CAPS2: variants seen among roughly 807,000 people sequenced by gnomAD.
The protein encoded by CAPS2 is calcyphosin-2.
A neutral mutation model predicts 86.5 loss-of-function variants in CAPS2; 98 were observed. The ratio of observed to expected loss-of-function variants is 1.13; its 90% CI spans 0.96 to 1.34. CAPS2 has a LOEUF of 1.34. Ranked by LOEUF, CAPS2 falls within the 40% of genes most tolerant of loss-of-function variation. The pLI is 0.00. For synonymous variants in CAPS2, 210 were observed against 225.1 expected (o/e 0.93, Z 0.60); for missense variants, 729 against 686.8 (o/e 1.06, Z -0.69).
chr12:75,298,081 T>C (rs2037205922), intron 11 of CAPS2: 1 of 152,340 alleles, frequency 6.6e-6, no homozygotes, highest in Non-Finnish European at 1.5e-5. Flanking sequence ...AAACATATAT[T>C]ACCTGAATGA....
intron 1 of CAPS2, among the ~76,000 whole-genome samples, chr12:75,381,305 A>G (rs1319956436): frequency 2.6e-5 from 4 of 152,192 alleles, no homozygotes; most frequent in Non-Finnish European, 4.4e-5. Flanking sequence ...TTCCCTAGCC[A>G]TGCGGAACCG....
At chr12:75,352,492 G>T (rs962084163) in intron 1 of CAPS2, among the ~76,000 whole-genome samples, 2 of 152,208 alleles carry the variant, frequency 1.3e-5, no homozygotes, top group Non-Finnish European at 2.9e-5. Context: ...GGAGCACCCA[G>T]ATTCATAAAA....
chr12:75,388,670 T>C (rs2045415209), intron 1 of CAPS2, among the ~76,000 whole-genome samples: 1 of 152,080 alleles, frequency 6.6e-6, no homozygotes, highest in Admixed American at 6.5e-5. Flanking sequence ...GCACCAGGGA[T>C]TTTTAGGCAG....
chr12:75,359,269 A>G (rs1300831053), intron 1 of CAPS2, among the ~76,000 whole-genome samples: 2 of 151,260 alleles, frequency 1.3e-5, no homozygotes, highest in Non-Finnish European at 3.0e-5. Context: ...TGAAAACTAC[A>G]TAATATCATG....
exon 5 of CAPS2, chr12:75,321,510 A>G (rs1400329992): frequency 9.7e-6 from 15 of 1,548,260 alleles, no homozygotes; most frequent in Admixed American, 5.9e-5. Context: ...TCAGTTTTAC[A>G]TTGCTGATAT....
upstream of CAPS2, chr12:75,330,078 G>T: frequency 5.0e-6 from 2 of 400,058 alleles, no homozygotes. Context: ...GGCAACAGGC[G>T]CCGCAGCGCA....
chr12:75,277,089 AT>A (rs2033063384), downstream of CAPS2: 5 of 984,118 alleles, frequency 5.1e-6, no homozygotes, highest in South Asian at 4.7e-5. Context: ...ACCAAAAAAA[AT>A]CTCATAAATA....
At chr12:75,328,102 C>G (rs1195551205), upstream of CAPS2, among the ~76,000 whole-genome samples, 2 of 151,968 alleles carry the variant, frequency 1.3e-5, no homozygotes, top group African/African-American at 2.4e-5. Context: ...TATAGCACTA[C>G]AGATGGCTTT....
intron 5 of CAPS2, among the ~76,000 whole-genome samples, chr12:75,318,345 C>T (rs1026659385): frequency 2.0e-5 from 3 of 152,110 alleles, no homozygotes; most frequent in African/African-American, 7.2e-5. Context: ...GGTCTTCCTG[C>T]TTTTATCTTT....
chr12:75,304,812 G>A (rs2038248784), exon 8 of CAPS2: 1 of 1,610,344 alleles, frequency 6.2e-7, no homozygotes. Context: ...TTTGAATCTG[G>A]AAGGATATGA....
At chr12:75,278,157 A>G (rs1465818801) in exon 17 of CAPS2, 1 of 953,388 alleles carries the variant, frequency 1.0e-6, no homozygotes, top group Non-Finnish European at 1.2e-6. Context: ...GCTGGTAAAA[A>G]GGATTACAGT....
intron 11 of CAPS2, among the ~76,000 whole-genome samples, chr12:75,294,240 G>A (rs183482571): frequency 6.6e-5 from 10 of 152,196 alleles, no homozygotes; most frequent in African/African-American, 2.2e-4. Flanking sequence ...CACCACGCCT[G>A]GCCAACAAAT....
At chr12:75,353,722 C>A (rs1363772380) in intron 1 of CAPS2, among the ~76,000 whole-genome samples, 1 of 152,166 alleles carries the variant, frequency 6.6e-6, no homozygotes, top group Non-Finnish European at 1.5e-5. Flanking sequence ...CCCTGATGAA[C>A]ATCAATGCAA....
At chr12:75,302,059 G>C (rs536117390) in intron 8 of CAPS2, among the ~76,000 whole-genome samples, 1 of 152,252 alleles carries the variant, frequency 6.6e-6, no homozygotes, top group Non-Finnish European at 1.5e-5. Context: ...CTAAAACAAT[G>C]CACAGGGCAG....
At chr12:75,370,188 T>C (rs559463316) in intron 1 of CAPS2, 5 of 1,269,000 alleles carry the variant, frequency 3.9e-6, no homozygotes, top group Admixed American at 3.4e-5. Context: ...GTCATTTATA[T>C]ACAAAAGAAA....
chr12:75,323,475 G>T (rs1369725907), intron 2 of CAPS2, among the ~76,000 whole-genome samples: 1 of 152,160 alleles, frequency 6.6e-6, no homozygotes, highest in Non-Finnish European at 1.5e-5. Flanking sequence ...CGGGCGCAGT[G>T]GCTTATGCCT....
intron 1 of CAPS2, among the ~76,000 whole-genome samples, chr12:75,341,229 A>T (rs965320136): frequency 6.6e-6 from 1 of 152,150 alleles, no homozygotes; most frequent in African/African-American, 2.4e-5. Flanking sequence ...ACATGTTTGT[A>T]ATAGCTCAAA....
intron 1 of CAPS2, among the ~76,000 whole-genome samples, chr12:75,344,392 C>G (rs2042314993): frequency 6.6e-6 from 1 of 152,046 alleles, no homozygotes; most frequent in South Asian, 2.1e-4. Flanking sequence ...ATCTAGCCTT[C>G]TGTAATGTTT....
At chr12:75,341,946 C>A (rs2042150549) in intron 1 of CAPS2, among the ~76,000 whole-genome samples, 1 of 151,956 alleles carries the variant, frequency 6.6e-6, no homozygotes, top group South Asian at 2.1e-4. Context: ...TGGGGTTTCA[C>A]CCTGTTGGCC....
Sources: allele counts gnomAD v4.1 joint callset (sites outside exome capture counted in the v4.1 genomes callset), GRCh38; gene constraint gnomAD v4.1.1; transcripts MANE v1.5; gene names NCBI Gene and HGNC (gene_info 2026-07-23, HGNC 2026-07-21).